The following NCAN variants were observed in gnomAD, a reference collection of about 807,000 sequenced individuals.
The protein encoded by NCAN is neurocan.
In NCAN, 47 loss-of-function variants were observed where a neutral mutation model predicts 121.8. That is an observed-to-expected ratio of 0.39 (90% CI 0.31 to 0.49). The LOEUF is 0.49. Among genes scored for constraint, NCAN ranks in the 20% least tolerant of loss-of-function variants. NCAN has a pLI of 0.92. For missense variants in NCAN, 1,517 were observed against 1,773.4 expected (o/e 0.86, Z 2.60); for synonymous variants, 633 against 702.0 (o/e 0.90, Z 1.55).
chr19:19,245,186 A>T, intron 12 of NCAN, 127 bp from the exon 13 acceptor site: 1 of 1,171,760 alleles, frequency 8.5e-7, no homozygotes, highest in Non-Finnish European at 1.2e-6. Flanking sequence ...TGGCCATTGT[A>T]GAGATGGGAA....
chr19:19,228,308 A>T lies in NCAN; in HGVS notation c.2688A>T (p.Gln896His), dbSNP rs2060845677. The change falls in exon 8 of 15, where the codon CAA becomes CAT. Residue 896 changes from glutamine (Q) to histidine (H), a missense_variant. Coordinates refer to ENST00000252575, the MANE Select transcript of NCAN (RefSeq NM_004386.3). ...AMSTLGSSSS[Q>H]PHPEPEDQVE... ...CTACACTGGGCTCCTCAAGCTCCCA[A>T]CCCCACCCAGAGCCAGAGGATCAGG... The T allele has an allele frequency of 1.2e-6, 2 of 1,613,672 alleles. No individual in the cohort carries two copies. The highest frequency in any genetic ancestry group is 1.7e-6 in the Non-Finnish European group (2 of 1,179,978).
Position 19,251,657 on chromosome 19 carries a change from T to G in NCAN, c.*1746T>G, listed in dbSNP as rs975974740. ...CCTGCTCTGGACTCTGGAGAGGAGA[T>G]TGAAATATAATTGCACCCTCATACA... is the stretch of plus-strand genomic sequence containing the variant. On this transcript the variant is annotated 3_prime_UTR_variant, in exon 15 of 15. Transcript: ENST00000252575. 6.6e-6 allele frequency: 1 copy of G among 152,116 alleles called. No individual in the cohort carries two copies. Among genetic ancestry groups the G allele is most frequent in the African/African-American group, 2.4e-5 (1 of 41,416 alleles). The allele number at this position is 152,116 out of a possible 1,614,324, so 9.4% of individuals were successfully genotyped here. A position where few individuals can be genotyped will look rare whatever the true frequency, so the allele number is the denominator to read the frequency against.
chr19:19,226,073 G>C (rs1349776081), intron 6 of NCAN, among the ~76,000 whole-genome samples: 2 of 152,170 alleles, frequency 1.3e-5, no homozygotes, highest in African/African-American at 4.8e-5. Flanking sequence ...GGGACTACAG[G>C]AATGTGCCAC....
In NCAN at chr19:19,219,098, G is replaced by A. The variant is rs752937778; in HGVS notation, c.257G>A (p.Gly86Asp). 3.1e-6 allele frequency: 5 copies of A among 1,612,560 alleles called. No homozygotes were observed. Among genetic ancestry groups the A allele is most frequent in the Non-Finnish European group, 4.2e-6 (5 of 1,179,138 alleles). ...IKWTKVRTAS[G>D]QRQDLPILVA... is the part of the protein sequence containing the mutation. Reference sequence around the variant, plus strand: ...TGGACCAAGGTGCGGACTGCGTCGGGCCAGCGACAGGACTTGCCCATCCTG... The same window carrying A: ...TGGACCAAGGTGCGGACTGCGTCGGACCAGCGACAGGACTTGCCCATCCTG... The change falls in exon 3 of 15, where the codon GGC (glycine) becomes GAC (aspartate). Residue 86 changes from glycine (G) to aspartate (D), a missense_variant. Coordinates refer to ENST00000252575, the MANE Select transcript of NCAN (RefSeq NM_004386.3).
intron 8 of NCAN, among the ~76,000 whole-genome samples, chr19:19,229,775 G>GAAAC: frequency 6.6e-6 from 1 of 152,236 alleles, no homozygotes; most frequent in Non-Finnish European, 1.5e-5. Flanking sequence ...ATGAAATTTA[G>GAAAC]AAACAAACAA....
chr19:19,242,680 C>T (rs576496675), intron 12 of NCAN, among the ~76,000 whole-genome samples: 53 of 152,284 alleles, frequency 3.5e-4, no homozygotes, highest in African/African-American at 1.3e-3. Context: ...CAGAGGGAGA[C>T]TCTGTCTCAA....
intron 12 of NCAN, among the ~76,000 whole-genome samples, chr19:19,244,040 A>G (rs1329610346): frequency 6.6e-6 from 1 of 152,100 alleles, no homozygotes; most frequent in Non-Finnish European, 1.5e-5. Context: ...ACAAAACAAA[A>G]CAAAAATGGT....
rs777171049 is a variant in NCAN, at chr19:19,227,623, C to T, written c.2003C>T (p.Pro668Leu). The change falls in exon 8 of 15, where the codon CCA becomes CTA. Residue 668 changes from proline (P) to leucine (L), a missense_variant. Transcript: ENST00000252575. The surrounding 1 kb of genome is among the most constrained non-coding windows in gnomAD (Gnocchi z 4.2). Reference protein sequence around the residue: ...EAHGEATATAPPSPAAETKVY... With the variant: ...EAHGEATATALPSPAAETKVY... ...CATGGTGAGGCCACCGCCACGGCTCCACCCTCCCCTGCTGCAGAGACCAAG... is the reference window on the plus strand; with the variant it reads ...CATGGTGAGGCCACCGCCACGGCTCTACCCTCCCCTGCTGCAGAGACCAAG... The T allele has an allele frequency of 5.0e-6, 8 of 1,613,952 alleles. No homozygotes were observed. The highest frequency in any genetic ancestry group is 3.3e-4 in the Middle Eastern group (2 of 6,062).
chr19:19,233,336 G>GAT (rs1305775094), intron 8 of NCAN, among the ~76,000 whole-genome samples: 16 of 102,592 alleles, frequency 1.6e-4, no homozygotes, highest in African/African-American at 6.5e-4. Context: ...GCAGGATGAG[G>GAT]ATTTTTTTTC....
intron 8 of NCAN, among the ~76,000 whole-genome samples, chr19:19,231,046 G>A (rs1009812873): frequency 2.6e-5 from 4 of 151,926 alleles, no homozygotes; most frequent in African/African-American, 9.7e-5. Flanking sequence ...GCGCCGGGCA[G>A]TTCTTTTTTT....
Position 19,219,126 on chromosome 19 carries a change from G to A in NCAN, c.285G>A (p.Val95=). 1 of 1,613,624 alleles carries A rather than the reference G, an allele frequency of 6.2e-7. No individual in the cohort carries two copies. The highest frequency in any genetic ancestry group is 8.5e-7 in the Non-Finnish European group (1 of 1,179,744). ...SGQRQDLPIL[V]AKDNVVRVAK... ...AGCGACAGGACTTGCCCATCCTGGT[G>A]GCCAAGGACAATGTCGTGAGGGTGG... Residue 95 remains valine, a synonymous_variant, in exon 3 of 15, where the codon GTG becomes GTA. Coordinates refer to ENST00000252575, the MANE Select transcript of NCAN (RefSeq NM_004386.3).
At chr19:19,248,097 G>GTGAT (rs1372098033) in intron 13 of NCAN, among the ~76,000 whole-genome samples, 1 of 152,084 alleles carries the variant, frequency 6.6e-6, no homozygotes, top group Non-Finnish European at 1.5e-5. Flanking sequence ...GCAGTGAGTT[G>GTGAT]TGATTGTGCC....
At chr19:19,226,359 C>A in intron 6 of NCAN, 127 bp from the exon 7 acceptor site, 4 of 741,784 alleles carry the variant, frequency 5.4e-6, no homozygotes, top group Admixed American at 2.9e-5. Context: ...ATCTCAGAAA[C>A]TACTTAGGAG....
chr19:19,220,450 CTTT>C lies in NCAN; in HGVS notation c.475+1156_475+1158del, dbSNP rs71170607. ...TTCTCAAATACCTGTTTAGGCAATT[CTTT>C]TTTTTTTTTTTTTTTTTTTTTGAGA... On this transcript the variant is annotated intron_variant, in intron 3 of 14. Coordinates refer to ENST00000252575, the MANE Select transcript of NCAN (RefSeq NM_004386.3). 3.6e-3 allele frequency among the ~76,000 whole-genome samples: 263 copies of C among 72,692 alleles called. 2 individuals carry two copies. The highest frequency in any genetic ancestry group is 0.015 in the African/African-American group (242 of 16,610). The allele number at this position is 72,692 out of a possible 152,430, so 47.7% of individuals were successfully genotyped here.
chr19:19,214,728 GT>G (rs1228420179), intron 1 of NCAN, among the ~76,000 whole-genome samples: 36 of 12,064 alleles, frequency 3.0e-3, no homozygotes, highest in African/African-American at 3.7e-3. Flanking sequence ...TGTTAACGGG[GT>G]GTGTGTGTGT....
chr19:19,239,618 C>A (rs2060895174), intron 11 of NCAN, among the ~76,000 whole-genome samples: 1 of 88,358 alleles, frequency 1.1e-5, no homozygotes, highest in Admixed American at 1.1e-4. Context: ...TTCCTCTCTC[C>A]TCTCCTCCCC....
intron 9 of NCAN, among the ~76,000 whole-genome samples, chr19:19,234,608 T>G (rs572400814): frequency 3.3e-4 from 51 of 152,308 alleles, no homozygotes; most frequent in African/African-American, 1.1e-3. Flanking sequence ...ATATCTAGCT[T>G]TACCCACAAA....
chr19:19,250,610 A>G lies in NCAN; in HGVS notation c.*699A>G, dbSNP rs951255230. 1 of 175,512 alleles carries G rather than the reference A, an allele frequency of 5.7e-6. No individual in the cohort carries two copies. The highest frequency in any genetic ancestry group is 1.2e-5 in the Non-Finnish European group (1 of 82,104). 10.9% of individuals were successfully genotyped at this position (175,512 alleles called of 1,614,324 possible). A position where few individuals can be genotyped will look rare whatever the true frequency, so the allele number is the denominator to read the frequency against. On this transcript the variant is annotated 3_prime_UTR_variant, in exon 15 of 15. Coordinates refer to ENST00000252575, the MANE Select transcript of NCAN (RefSeq NM_004386.3). ...GGGAGAGTGTATTGCTAACCCTTCC[A>G]GGTCTAGTCCAGCGCTGAGATTTGG...
rs1299556175 is a variant in NCAN, at chr19:19,240,699, G to A, written c.3492+14G>A. ...AACACCGGGCTGGTGAGTGGCAGGG[G>A]CTGCGGGCCTAGGCTGCTGAGCCAC... On this transcript the variant is annotated intron_variant, in intron 12 of 14. Coordinates refer to ENST00000252575, the MANE Select transcript of NCAN (RefSeq NM_004386.3). 6.2e-7 allele frequency: 1 copy of A among 1,613,080 alleles called. No individual in the cohort carries two copies. The highest frequency in any genetic ancestry group is 1.1e-5 in the South Asian group (1 of 91,078).
Sources: allele counts gnomAD v4.1 joint callset (sites outside exome capture counted in the v4.1 genomes callset), GRCh38; gene constraint gnomAD v4.1.1; non-coding constraint Gnocchi (gnomAD v3.1); transcripts MANE v1.5; gene names NCBI Gene and HGNC (gene_info 2026-07-23, HGNC 2026-07-21).